The following THEM4 variants were observed in gnomAD, a reference collection of about 807,000 sequenced individuals.
THEM4 encodes the protein acyl-coenzyme A thioesterase THEM4.
A neutral mutation model predicts 25.0 loss-of-function variants in THEM4; 22 were observed. That is an observed-to-expected ratio of 0.88 (90% CI 0.63 to 1.26). The LOEUF is 1.26. Among genes scored for constraint, THEM4 ranks in the 50% most tolerant of loss-of-function variants. The pLI is 0.00. For synonymous variants in THEM4, 113 were observed against 105.6 expected, an observed-to-expected ratio of 1.07 and a Z score of -0.43; for missense variants, 286 against 300.3, an observed-to-expected ratio of 0.95 and a Z score of 0.35.
intron 4 of THEM4, among the ~76,000 whole-genome samples, chr1:151,884,060 G>C (rs943518001): frequency 6.6e-6 from 1 of 150,728 alleles, no homozygotes; most frequent in Admixed American, 6.6e-5. Context: ...GGGTGGCAGA[G>C]TGAGACTCTG....
chr1:151,907,565 T>G (rs1309748538), intron 1 of THEM4, among the ~76,000 whole-genome samples: 2 of 152,078 alleles, frequency 1.3e-5, no homozygotes, highest in African/African-American at 4.8e-5. Flanking sequence ...GGGCCCAGCT[T>G]TTGGATGTTA....
rs1176553580 is a variant in THEM4, at chr1:151,895,988, CTT to C, written c.100-796_100-795del. On this transcript the variant is annotated intron_variant, in intron 1 of 5. Coordinates refer to ENST00000368814, the MANE Select transcript of THEM4 (RefSeq NM_053055.5). Reference sequence around the variant, plus strand: ...CCATGACTGTAAGTTTTCTTGCTTCCTTTTTTTTTTTTTTTTTTTTTTGAGAC... The same window carrying C: ...CCATGACTGTAAGTTTTCTTGCTTCCTTTTTTTTTTTTTTTTTTTTGAGAC... Among the ~76,000 whole-genome samples, 326 of 119,190 alleles carry C rather than the reference CTT, an allele frequency of 2.7e-3. 2 individuals carry two copies. Among genetic ancestry groups the C allele is most frequent in the South Asian group, 8.9e-3 (27 of 3,046 alleles). The allele number at this position is 119,190 out of a possible 152,430, so 78.2% of individuals were successfully genotyped here.
chr1:151,886,261 G>C (rs1653968840), intron 4 of THEM4, among the ~76,000 whole-genome samples: 1 of 152,188 alleles, frequency 6.6e-6, no homozygotes, highest in Non-Finnish European at 1.5e-5. Flanking sequence ...CAATGCAACT[G>C]ATTTTTGTGG....
chr1:151,883,802 C>T (rs1558189692), intron 4 of THEM4, among the ~76,000 whole-genome samples: 4 of 151,908 alleles, frequency 2.6e-5, no homozygotes, highest in South Asian at 4.2e-4. Context: ...GCACTGGGCA[C>T]GATGGCTCAC....
At chr1:151,884,687 G>T (rs114936908) in intron 4 of THEM4, among the ~76,000 whole-genome samples, 34 of 146,532 alleles carry the variant, frequency 2.3e-4, no homozygotes, top group Admixed American at 4.1e-4. Context: ...CCTTTTTTTT[G>T]TTTTTTTTTT....
At chr1:151,889,437 AAGCACC>A in intron 2 of THEM4, 64 bp from the exon 3 acceptor site, 1 of 1,530,670 alleles carries the variant, frequency 6.5e-7, no homozygotes, top group Non-Finnish European at 9.0e-7. Flanking sequence ...TGGCAGAGCC[AAGCACC>A]TGTACCCTGC....
intron 4 of THEM4, among the ~76,000 whole-genome samples, chr1:151,886,629 A>G (rs1653977243): frequency 6.6e-6 from 1 of 152,210 alleles, no homozygotes; most frequent in Admixed American, 6.5e-5. Flanking sequence ...TAAATATGTC[A>G]ACTTTCCCCA....
At chr1:151,893,188 A>G (rs749640249) in intron 2 of THEM4, among the ~76,000 whole-genome samples, 2 of 152,030 alleles carry the variant, frequency 1.3e-5, no homozygotes, top group Middle Eastern at 3.2e-3. Context: ...CCCGGCCAAC[A>G]TTGTGAAACC....
intron 1 of THEM4, among the ~76,000 whole-genome samples, chr1:151,898,833 A>T (rs6662463): frequency 0.92 from 139,398 of 152,284 alleles, 63,809 homozygotes; most frequent in East Asian, 0.95. Context: ...AGAAGAGAGA[A>T]AACAATCACT....
At chr1:151,887,920 G>A (rs554167754) in intron 4 of THEM4, among the ~76,000 whole-genome samples, 3 of 152,322 alleles carry the variant, frequency 2.0e-5, no homozygotes, top group Admixed American at 1.3e-4. Context: ...ACCCTTAGAA[G>A]TACTTGGAAA....
intron 2 of THEM4, chr1:151,890,871 T>G (rs964641644): frequency 6.6e-6 from 1 of 152,200 alleles, no homozygotes; most frequent in African/African-American, 2.4e-5. Context: ...CAAAATGAGC[T>G]CTAAGATCTC....
intron 5 of THEM4, among the ~76,000 whole-genome samples, chr1:151,875,468 C>A (rs577857844): frequency 1.3e-5 from 2 of 151,942 alleles, no homozygotes; most frequent in Admixed American, 6.6e-5. Context: ...AAAGAAGATA[C>A]CTTAAAGCAA....
rs368128978 is a variant in THEM4, at chr1:151,873,414, C to T, written c.*1474G>A. ...CCAGGGTTCTTTCTTTATACTTTGTCTCTGTGCCTTATTTCTTTTCTCAGT... is the reference window on the plus strand; with the variant it reads ...CCAGGGTTCTTTCTTTATACTTTGTTTCTGTGCCTTATTTCTTTTCTCAGT... On this transcript the variant is annotated 3_prime_UTR_variant, in exon 6 of 6. Coordinates refer to ENST00000368814, the MANE Select transcript of THEM4 (RefSeq NM_053055.5). Among the ~76,000 whole-genome samples the T allele has an allele frequency of 6.6e-6, 1 of 152,112 alleles. No individual in the cohort carries two copies. Among genetic ancestry groups the T allele is most frequent in the South Asian group, 2.1e-4 (1 of 4,828 alleles).
intron 2 of THEM4, chr1:151,890,148 G>C (rs550265953): frequency 6.4e-5 from 29 of 449,992 alleles, no homozygotes; most frequent in Non-Finnish European, 1.3e-4. Flanking sequence ...TCAGGGATCC[G>C]CCTGCCTTGG....
chr1:151,909,344 G>C lies in THEM4; in HGVS notation c.99+16C>G. 1 of 1,513,802 alleles carries C rather than the reference G, an allele frequency of 6.6e-7. No individual in the cohort carries two copies. 93.8% of individuals were successfully genotyped at this position (1,513,802 alleles called of 1,614,324 possible). A position where few individuals can be genotyped will look rare whatever the true frequency, so the allele number is the denominator to read the frequency against. On this transcript the variant is annotated intron_variant, in intron 1 of 5. Coordinates refer to ENST00000368814, the MANE Select transcript of THEM4 (RefSeq NM_053055.5). ...AGTCCTGCTCCCGCCCCATGCCCGA[G>C]GGTGCCCAGACTCACCAGCTCGGGT...
intron 4 of THEM4, among the ~76,000 whole-genome samples, chr1:151,878,218 T>C (rs1459311370): frequency 6.6e-6 from 1 of 152,116 alleles, no homozygotes; most frequent in Non-Finnish European, 1.5e-5. Flanking sequence ...ATGTACCCCT[T>C]TTGTCAGGGA....
chr1:151,880,983 A>T (rs1175481160), intron 4 of THEM4, among the ~76,000 whole-genome samples: 1 of 150,994 alleles, frequency 6.6e-6, no homozygotes, highest in Non-Finnish European at 1.5e-5. Flanking sequence ...TACTTGTTTG[A>T]TCTTGTATTG....
In THEM4 at chr1:151,893,389, A is replaced by AC. The variant is rs1466099796; in HGVS notation, c.286+1618_286+1619insG. 1.2e-4 allele frequency among the ~76,000 whole-genome samples: 17 copies of AC among 141,468 alleles called. 1 individual carries two copies. Among genetic ancestry groups the AC allele is most frequent in the African/African-American group, 2.7e-4 (10 of 37,334 alleles). 92.8% of individuals were successfully genotyped at this position (141,468 alleles called of 152,430 possible). ...TCATTCTCAAAACCAAAAACAAAAA[A>AC]AACAAAAAAACAACAAAACAAAAAA... On this transcript the variant is annotated intron_variant, in intron 2 of 5. Coordinates refer to ENST00000368814, the MANE Select transcript of THEM4 (RefSeq NM_053055.5).
In THEM4 at chr1:151,874,818, A is replaced by C. The variant is rs1245161550; in HGVS notation, c.*70T>G. ...CCCTACAGGGATTCAGCAGTGAGGGAGCAGAGTATTTGGGGGACAACTGCT... is the reference window on the plus strand; with the variant it reads ...CCCTACAGGGATTCAGCAGTGAGGGCGCAGAGTATTTGGGGGACAACTGCT... On this transcript the variant is annotated 3_prime_UTR_variant, in exon 6 of 6. Transcript: ENST00000368814. 1 of 1,419,146 alleles carries C rather than the reference A, an allele frequency of 7.0e-7. No homozygotes were observed. The highest frequency in any genetic ancestry group is 1.0e-6 in the Non-Finnish European group (1 of 1,003,982). The allele number at this position is 1,419,146 out of a possible 1,614,324, so 87.9% of individuals were successfully genotyped here. A position where few individuals can be genotyped will look rare whatever the true frequency, so the allele number is the denominator to read the frequency against.
Sources: allele counts gnomAD v4.1 joint callset (sites outside exome capture counted in the v4.1 genomes callset), GRCh38; gene constraint gnomAD v4.1.1; transcripts MANE v1.5; gene names NCBI Gene and HGNC (gene_info 2026-07-23, HGNC 2026-07-21).